The following TAFA4 variants were observed in gnomAD, a reference collection of about 807,000 sequenced individuals.
The protein encoded by TAFA4 is chemokine-like protein TAFA-4.
A neutral mutation model predicts 21.1 loss-of-function variants in TAFA4; 20 were observed. The observed-to-expected ratio is 0.95, with a 90% CI of 0.67 to 1.38. TAFA4 has a LOEUF of 1.38. TAFA4 is among the 40% of genes most tolerant of loss of function. TAFA4 has a pLI of 0.00. For synonymous variants in TAFA4, 71 were observed against 67.4 expected (o/e 1.05, Z -0.26); for missense variants, 211 against 180.9 (o/e 1.17, Z -0.95).
At chr3:68,922,709 G>A (rs9871910) in intron 1 of TAFA4, among the ~76,000 whole-genome samples, 113,526 of 152,128 alleles carry the variant, frequency 0.75, 43,562 homozygotes, top group African/African-American at 0.87. Flanking sequence ...TCGAAGAAAC[G>A]GTTTTCTAGG....
chr3:68,886,931 C>T (rs2089678750), intron 1 of TAFA4, among the ~76,000 whole-genome samples: 1 of 152,198 alleles, frequency 6.6e-6, no homozygotes, highest in African/African-American at 2.4e-5. Flanking sequence ...TAACATTCCA[C>T]CTCTGGCCTC....
At chr3:68,878,641 T>G (rs557942443) in intron 3 of TAFA4, among the ~76,000 whole-genome samples, 3 of 152,176 alleles carry the variant, frequency 2.0e-5, no homozygotes, top group Non-Finnish European at 4.4e-5. Flanking sequence ...AACCTGCCAA[T>G]TGGCCCCTTC....
chr3:68,816,887 T>C (rs1703991635), intron 3 of TAFA4, among the ~76,000 whole-genome samples: 1 of 152,210 alleles, frequency 6.6e-6, no homozygotes, highest in Non-Finnish European at 1.5e-5. Flanking sequence ...ATGCTAACAA[T>C]AATTTGAGCC....
At chr3:68,918,468 G>C (rs941246366) in intron 1 of TAFA4, among the ~76,000 whole-genome samples, 2 of 152,144 alleles carry the variant, frequency 1.3e-5, no homozygotes, top group Non-Finnish European at 2.9e-5. Flanking sequence ...CGAAAAAGAA[G>C]CTCTTGTTTT....
intron 1 of TAFA4, among the ~76,000 whole-genome samples, chr3:68,927,664 C>T (rs7650813): frequency 0.03 from 4,604 of 152,116 alleles, 243 homozygotes; most frequent in African/African-American, 0.1. Flanking sequence ...TTTGAGAGGC[C>T]GAGACAGGAG....
chr3:68,778,144 A>C (rs367831789), intron 3 of TAFA4, among the ~76,000 whole-genome samples: 2 of 152,214 alleles, frequency 1.3e-5, no homozygotes, highest in Non-Finnish European at 2.9e-5. Flanking sequence ...TTTGCTGTCT[A>C]TAAGAAACCC....
intron 4 of TAFA4, among the ~76,000 whole-genome samples, chr3:68,750,260 G>A (rs367641425): frequency 8.9e-4 from 135 of 152,204 alleles, no homozygotes; most frequent in African/African-American, 2.9e-3. Context: ...TCATGCCACT[G>A]CACTCCAACC....
At chr3:68,909,965 T>C (rs2089944177) in intron 1 of TAFA4, among the ~76,000 whole-genome samples, 1 of 152,144 alleles carries the variant, frequency 6.6e-6, no homozygotes, top group African/African-American at 2.4e-5. Context: ...CAGTATTCAG[T>C]CCTTCATCCT....
At chr3:68,733,886 T>C (rs973339556) in intron 5 of TAFA4, among the ~76,000 whole-genome samples, 4 of 152,208 alleles carry the variant, frequency 2.6e-5, no homozygotes, top group African/African-American at 9.6e-5. Flanking sequence ...AACTGACATC[T>C]GGCCTTTATG....
At chr3:68,886,189 G>T (rs2106958328) in intron 1 of TAFA4, among the ~76,000 whole-genome samples, 1 of 152,318 alleles carries the variant, frequency 6.6e-6, no homozygotes, top group African/African-American at 2.4e-5. Flanking sequence ...GCACAACTGA[G>T]ATTTTTCTCT....
intron 3 of TAFA4, among the ~76,000 whole-genome samples, chr3:68,791,661 A>C (rs1053745167): frequency 5.9e-5 from 9 of 152,204 alleles, no homozygotes; most frequent in African/African-American, 1.9e-4. Flanking sequence ...TTCTGTCAGG[A>C]AGCCCAAGAA....
intron 3 of TAFA4, among the ~76,000 whole-genome samples, chr3:68,803,513 G>A (rs954764373): frequency 6.6e-6 from 1 of 152,132 alleles, no homozygotes; most frequent in South Asian, 2.1e-4. Flanking sequence ...ATAGGGGCCT[G>A]TTTTGCCATG....
intron 4 of TAFA4, among the ~76,000 whole-genome samples, chr3:68,740,745 T>TC (rs1387167302): frequency 1.3e-5 from 2 of 152,222 alleles, no homozygotes; most frequent in Non-Finnish European, 2.9e-5. Context: ...AGGACCTTTT[T>TC]CCCTATGTTT....
At chr3:68,887,239 C>T (rs1027251824) in intron 1 of TAFA4, among the ~76,000 whole-genome samples, 1 of 152,214 alleles carries the variant, frequency 6.6e-6, no homozygotes, top group African/African-American at 2.4e-5. Context: ...GGTAAAACAA[C>T]ATCAAGTCTT....
intron 3 of TAFA4, among the ~76,000 whole-genome samples, chr3:68,777,050 C>T (rs966238861): frequency 1.3e-5 from 2 of 152,008 alleles, no homozygotes; most frequent in Admixed American, 1.3e-4. Context: ...AAAGACATTT[C>T]TTCAGGCAGA....
chr3:68,793,647 G>C (rs750297247), intron 3 of TAFA4, among the ~76,000 whole-genome samples: 4 of 152,148 alleles, frequency 2.6e-5, no homozygotes, highest in Non-Finnish European at 5.9e-5. Flanking sequence ...ATGATCTTTT[G>C]TGAAAGGAAT....
At chr3:68,847,459 C>T (rs923687995) in intron 3 of TAFA4, among the ~76,000 whole-genome samples, 13 of 152,206 alleles carry the variant, frequency 8.5e-5, no homozygotes, top group African/African-American at 2.9e-4. Flanking sequence ...TGGGCTCTGT[C>T]GGGGTGGGAT....
At chr3:68,755,638 A>C (rs1220712184) in intron 3 of TAFA4, among the ~76,000 whole-genome samples, 1 of 152,178 alleles carries the variant, frequency 6.6e-6, no homozygotes, top group Middle Eastern at 3.2e-3. Context: ...TGGTTTGTCA[A>C]GTCCAAAATT....
intron 1 of TAFA4, among the ~76,000 whole-genome samples, chr3:68,896,796 CAAACTACCATATGGGAGA>C (rs1559556735): frequency 6.6e-6 from 1 of 152,192 alleles, no homozygotes; most frequent in Non-Finnish European, 1.5e-5. Flanking sequence ...CATGTGGGAG[CAAACTACCATATGGGAGA>C]AAACTACCGA....
Sources: allele counts gnomAD v4.1 joint callset (sites outside exome capture counted in the v4.1 genomes callset), GRCh38; gene constraint gnomAD v4.1.1; transcripts MANE v1.5; gene names NCBI Gene and HGNC (gene_info 2026-07-23, HGNC 2026-07-21).